Variants in SUMF1 observed in about 807,000 individuals in gnomAD.
The protein encoded by SUMF1 is formylglycine-generating enzyme.
SUMF1 carries 48 observed loss-of-function variants against 47.6 expected under a neutral mutation model. That is an observed-to-expected ratio of 1.01 (90% CI 0.80 to 1.28). SUMF1 has a LOEUF of 1.28. SUMF1 is among the 50% of genes most tolerant of loss of function. The pLI is 0.00. For synonymous variants in SUMF1, 230 were observed against 192.1 expected, an observed-to-expected ratio of 1.20 and a Z score of -1.63; for missense variants, 571 against 485.4, an observed-to-expected ratio of 1.18 and a Z score of -1.66.
At chr3:4,175,012 G>C (rs989383373) in intron 8 of SUMF1, among the ~76,000 whole-genome samples, 8 of 152,164 alleles carry the variant, frequency 5.3e-5, no homozygotes, top group Non-Finnish European at 1.0e-4. Context: ...AGCTTCAGTA[G>C]GTAAACAAAG....
chr3:4,303,274 A>C, intron 8 of SUMF1: 2 of 1,326,014 alleles, frequency 1.5e-6, no homozygotes, highest in South Asian at 3.3e-5. Flanking sequence ...ACGAACTACA[A>C]TTCCCATGAG....
intron 6 of SUMF1, among the ~76,000 whole-genome samples, chr3:4,413,872 AT>A (rs898307185): frequency 1.1e-4 from 17 of 151,276 alleles, no homozygotes; most frequent in Admixed American, 8.6e-4. Flanking sequence ...CAAAAAAAAA[AT>A]TTTTTTTTAA....
In SUMF1 at chr3:4,457,058, GTATATA is replaced by G. The variant is rs373828142; in HGVS notation, c.271-4015_271-4010del. Among the ~76,000 whole-genome samples, 327 of 85,634 alleles carry G rather than the reference GTATATA, an allele frequency of 3.8e-3. 4 individuals are homozygous for G. The highest frequency in any genetic ancestry group is 7.1e-3 in the Non-Finnish European group (229 of 32,456). The allele number at this position is 85,634 out of a possible 152,430, so 56.2% of individuals were successfully genotyped here. Reference sequence around the variant, plus strand: ...TGTGTGTATATATATATACGTGTGTGTATATATATATATATACGTGTGTGTATATAT... The same window carrying G: ...TGTGTGTATATATATATACGTGTGTGTATATATATACGTGTGTGTATATAT... On this transcript the variant is annotated intron_variant, in intron 1 of 8. Transcript: ENST00000272902.
chr3:4,222,723 G>C (rs1482689040), intron 8 of SUMF1, among the ~76,000 whole-genome samples: 2 of 152,116 alleles, frequency 1.3e-5, no homozygotes, highest in African/African-American at 4.8e-5. Flanking sequence ...CCAGCAGATG[G>C]AACAGAAGGA....
At chr3:4,265,833 G>A (rs947455215) in intron 8 of SUMF1, among the ~76,000 whole-genome samples, 3 of 152,094 alleles carry the variant, frequency 2.0e-5, no homozygotes, top group Non-Finnish European at 2.9e-5. Flanking sequence ...GTAATGCCTA[G>A]GTTTTCTCCT....
chr3:4,194,442 C>T (rs2600144), intron 8 of SUMF1, among the ~76,000 whole-genome samples: 103,420 of 151,996 alleles, frequency 0.68, 35,317 homozygotes, highest in African/African-American at 0.71. Context: ...TAACATTTTG[C>T]TTTGAAACTC....
intron 8 of SUMF1, among the ~76,000 whole-genome samples, chr3:4,261,040 G>C (rs1056352898): frequency 3.9e-5 from 6 of 152,172 alleles, no homozygotes; most frequent in Non-Finnish European, 7.3e-5. Context: ...GTGATAAGTT[G>C]TTACACCAAC....
chr3:4,398,213 T>C (rs933876953), intron 7 of SUMF1, among the ~76,000 whole-genome samples: 1 of 152,176 alleles, frequency 6.6e-6, no homozygotes, highest in African/African-American at 2.4e-5. Flanking sequence ...CTTGCTCTTT[T>C]AACATCTGCA....
At chr3:4,229,636 CA>C (rs1696253496) in intron 8 of SUMF1, among the ~76,000 whole-genome samples, 1 of 152,076 alleles carries the variant, frequency 6.6e-6, no homozygotes, top group African/African-American at 2.4e-5. Flanking sequence ...GCCATATCAT[CA>C]AGTATGATCT....
At chr3:4,393,653 A>T (rs1487466442) in intron 7 of SUMF1, among the ~76,000 whole-genome samples, 2 of 151,204 alleles carry the variant, frequency 1.3e-5, no homozygotes, top group African/African-American at 2.4e-5. Flanking sequence ...TTATTTATTT[A>T]TTATTATTAT....
intron 7 of SUMF1, among the ~76,000 whole-genome samples, chr3:4,399,826 C>T (rs912781914): frequency 2.0e-4 from 31 of 152,184 alleles, no homozygotes; most frequent in African/African-American, 6.8e-4. Context: ...AGCGCGATCT[C>T]GGCTCACTGT....
At chr3:4,187,983 T>C (rs1695238103) in intron 8 of SUMF1, among the ~76,000 whole-genome samples, 1 of 152,184 alleles carries the variant, frequency 6.6e-6, no homozygotes, top group Admixed American at 6.5e-5. Flanking sequence ...TAAAAGACTT[T>C]ATTTTTTTAG....
intron 8 of SUMF1, among the ~76,000 whole-genome samples, chr3:4,102,951 C>G (rs1027223021): frequency 2.7e-5 from 4 of 150,478 alleles, no homozygotes; most frequent in Non-Finnish European, 4.4e-5. Flanking sequence ...GAGATGGAAT[C>G]TCACTCTGTC....
intron 8 of SUMF1, among the ~76,000 whole-genome samples, chr3:4,347,898 C>G (rs1699405736): frequency 6.6e-6 from 1 of 152,176 alleles, no homozygotes; most frequent in Non-Finnish European, 1.5e-5. Context: ...AACAGGCTAA[C>G]AGAGAGCCAA....
chr3:4,214,437 G>T (rs1695871185), intron 8 of SUMF1, among the ~76,000 whole-genome samples: 1 of 152,124 alleles, frequency 6.6e-6, no homozygotes, highest in East Asian at 1.9e-4. Context: ...AGCACTAAAT[G>T]CCCACAAGAG....
chr3:4,218,171 A>C (rs992803946), intron 8 of SUMF1, among the ~76,000 whole-genome samples: 2 of 152,038 alleles, frequency 1.3e-5, no homozygotes, highest in Admixed American at 6.6e-5. Context: ...GGCCATTTAT[A>C]AGCCAAAGAG....
intron 8 of SUMF1, among the ~76,000 whole-genome samples, chr3:4,270,333 G>T (rs1416258487): frequency 2.0e-5 from 3 of 151,936 alleles, no homozygotes; most frequent in African/African-American, 7.3e-5. Context: ...TCAAGAGAGG[G>T]AAAGTCTCTT....
intron 9 of SUMF1, among the ~76,000 whole-genome samples, chr3:4,065,367 C>A (rs1365974618): frequency 6.6e-6 from 1 of 152,068 alleles, no homozygotes; most frequent in Non-Finnish European, 1.5e-5. Flanking sequence ...AGAAGATGTA[C>A]AAAGTTTTTA....
chr3:4,387,155 T>C (rs180979114), intron 7 of SUMF1, among the ~76,000 whole-genome samples: 1 of 152,196 alleles, frequency 6.6e-6, no homozygotes, highest in Admixed American at 6.5e-5. Flanking sequence ...CTAAAACAAA[T>C]TGTGTAGAAT....
Sources: gnomAD v4.1 joint callset for allele counts (sites outside exome capture counted in the v4.1 genomes callset) on GRCh38, gnomAD v4.1.1 for gene constraint, MANE v1.5 for transcripts, NCBI Gene and HGNC (gene_info 2026-07-23, HGNC 2026-07-21) for gene names.